The following RBPJ variants were observed in gnomAD, a reference collection of about 807,000 sequenced individuals.
RBPJ encodes recombining binding protein suppressor of hairless.
In RBPJ, 9 loss-of-function variants were observed where a neutral mutation model predicts 67.8. The ratio of observed to expected loss-of-function variants is 0.13; its 90% CI spans 0.08 to 0.23. The LOEUF (loss-of-function observed/expected upper bound fraction) is 0.23. Ranked by LOEUF, RBPJ falls within the 10% of genes least tolerant of loss-of-function variation. The probability of loss-of-function intolerance (pLI) is 1.00; values close to 1 mark genes in which losing one functional copy is unlikely to be tolerated. For missense variants in RBPJ, 305 were observed against 595.6 expected (o/e 0.51, Z 5.08); for synonymous variants, 198 against 203.3 (o/e 0.97, Z 0.22).
chr4:26,402,642 T>C (rs1463270124), intron 2 of RBPJ, among the ~76,000 whole-genome samples: 2 of 152,224 alleles, frequency 1.3e-5, no homozygotes, highest in Non-Finnish European at 2.9e-5. Context: ...GGTTGTGTCT[T>C]TCTGCAGCAC....
At chr4:26,322,968 T>A (rs1723245842) in intron 1 of RBPJ, 2 of 151,578 alleles carry the variant, frequency 1.3e-5, no homozygotes, top group African/African-American at 4.9e-5. Flanking sequence ...ACCCATAAAA[T>A]CATTTGGAGT....
At chr4:26,319,957 C>G, upstream of RBPJ, 1 of 1,352,310 alleles carries the variant, frequency 7.4e-7, no homozygotes, top group South Asian at 1.3e-5. Flanking sequence ...CAGGTTTGCC[C>G]GGGGGCTTCC....
At chr4:26,419,545 C>T (rs1312568149) in intron 4 of RBPJ, among the ~76,000 whole-genome samples, 1 of 152,084 alleles carries the variant, frequency 6.6e-6, no homozygotes. Flanking sequence ...GTAGCATTTG[C>T]TCTGCTTTTT....
At chr4:26,214,886 AGAG>A (rs1218377421) in intron 1 of RBPJ, among the ~76,000 whole-genome samples, 2 of 55,854 alleles carry the variant, frequency 3.6e-5, no homozygotes, top group Admixed American at 2.0e-4. Context: ...AGAAAAAGAG[AGAG>A]AAAAAAGAGA....
At chr4:26,344,437 A>G (rs1462665727) in intron 1 of RBPJ, among the ~76,000 whole-genome samples, 2 of 150,622 alleles carry the variant, frequency 1.3e-5, no homozygotes, top group South Asian at 2.1e-4. Context: ...GGGTTTCACC[A>G]TGTTGGCCAG....
intron 3 of RBPJ, among the ~76,000 whole-genome samples, chr4:26,406,787 C>T (rs912888756): frequency 1.3e-5 from 2 of 152,164 alleles, no homozygotes; most frequent in Non-Finnish European, 2.9e-5. Context: ...ATAACATTTC[C>T]AAATAAGGAA....
intron 1 of RBPJ, among the ~76,000 whole-genome samples, chr4:26,312,227 G>A (rs1473600809): frequency 6.6e-6 from 1 of 151,926 alleles, no homozygotes; most frequent in African/African-American, 2.4e-5. Flanking sequence ...TGCCTCCCAG[G>A]TTCACGCCAT....
intron 1 of RBPJ, among the ~76,000 whole-genome samples, chr4:26,308,424 AC>A (rs1298868037): frequency 4.6e-5 from 7 of 152,364 alleles, no homozygotes; most frequent in Admixed American, 6.5e-5. Context: ...ACCTTAAGAG[AC>A]TTTTTTCTTG....
the RBPJ span, among the ~76,000 whole-genome samples, chr4:26,130,789 A>G: frequency 6.6e-6 from 1 of 152,270 alleles, no homozygotes; most frequent in Middle Eastern, 3.4e-3. Flanking sequence ...ACAAATATAA[A>G]CCAGGTTTTT....
At chr4:26,152,723 T>C in the RBPJ span, among the ~76,000 whole-genome samples, 1 of 152,250 alleles carries the variant, frequency 6.6e-6, no homozygotes, top group Non-Finnish European at 1.5e-5. Context: ...TCTTAATCAC[T>C]AATCCATATT....
chr4:26,380,798 C>T (rs549021742), intron 1 of RBPJ, among the ~76,000 whole-genome samples: 2 of 151,804 alleles, frequency 1.3e-5, no homozygotes, highest in East Asian at 1.9e-4. Context: ...CATACTTCAC[C>T]GTGTTTCTTG....
chr4:26,221,191 C>G (rs1027663784), intron 1 of RBPJ, among the ~76,000 whole-genome samples: 8 of 152,052 alleles, frequency 5.3e-5, no homozygotes, highest in Non-Finnish European at 1.0e-4. Flanking sequence ...CCTGGGTTCA[C>G]GCCATTCTCC....
At chr4:26,326,320 A>G (rs1186675377) in intron 1 of RBPJ, among the ~76,000 whole-genome samples, 2 of 152,138 alleles carry the variant, frequency 1.3e-5, no homozygotes, top group Non-Finnish European at 2.9e-5. Flanking sequence ...TCTTAGGCAA[A>G]AGTTTTTTTT....
intron 7 of RBPJ, among the ~76,000 whole-genome samples, chr4:26,425,982 G>A (rs1044809669): frequency 6.6e-6 from 1 of 151,048 alleles, no homozygotes; most frequent in Non-Finnish European, 1.5e-5. Context: ...CCTCTGTCAT[G>A]ATTGTACAAG....
At chr4:26,335,315 G>A (rs1724693826) in intron 1 of RBPJ, among the ~76,000 whole-genome samples, 1 of 151,908 alleles carries the variant, frequency 6.6e-6, no homozygotes, top group Admixed American at 6.6e-5. Flanking sequence ...CTGAGTAGCT[G>A]GGACTACAGG....
At chr4:26,389,569 C>G (rs1192422659) in intron 2 of RBPJ, among the ~76,000 whole-genome samples, 1 of 147,640 alleles carries the variant, frequency 6.8e-6, no homozygotes, top group African/African-American at 2.5e-5. Context: ...GATGATCATA[C>G]TAGATAGAAA....
intron 1 of RBPJ, among the ~76,000 whole-genome samples, chr4:26,328,301 T>G (rs899619582): frequency 1.3e-5 from 2 of 152,172 alleles, no homozygotes; most frequent in African/African-American, 4.8e-5. Context: ...ATTGTTTTAA[T>G]AACAATATAT....
At chr4:26,184,676 C>T (rs1415033219) in intron 1 of RBPJ, among the ~76,000 whole-genome samples, 2 of 152,094 alleles carry the variant, frequency 1.3e-5, no homozygotes, top group Non-Finnish European at 2.9e-5. Context: ...ATCCTCATAA[C>T]AGATTGGAGT....
chr4:26,282,572 G>A (rs557277640), intron 1 of RBPJ, among the ~76,000 whole-genome samples: 168 of 151,482 alleles, frequency 1.1e-3, no homozygotes, highest in Non-Finnish European at 2.0e-3. Context: ...CCAGGCTGAA[G>A]TGCAATGGCG....
Sources: gnomAD v4.1 joint callset for allele counts (sites outside exome capture counted in the v4.1 genomes callset) on GRCh38, gnomAD v4.1.1 for gene constraint, MANE v1.5 for transcripts, NCBI Gene and HGNC (gene_info 2026-07-23, HGNC 2026-07-21) for gene names.